COL13A1: variants seen among roughly 807,000 people sequenced by gnomAD.
COL13A1 encodes the protein collagen type XIII alpha 1 chain.
A neutral mutation model predicts 130.9 loss-of-function variants in COL13A1; 89 were observed. The observed-to-expected ratio is 0.68, with a 90% CI of 0.57 to 0.81. The LOEUF is 0.81. COL13A1 is among the 30% of genes least tolerant of loss of function. The probability of loss-of-function intolerance (pLI) is 0.00; values close to 1 mark genes in which losing one functional copy is unlikely to be tolerated. For missense variants in COL13A1, 879 were observed against 934.6 expected (o/e 0.94, Z 0.78); for synonymous variants, 402 against 341.6 (o/e 1.18, Z -1.95).
At chr10:69,953,373 C>T (rs1342304166) in intron 39 of COL13A1, among the ~76,000 whole-genome samples, 3 of 152,226 alleles carry the variant, frequency 2.0e-5, no homozygotes, top group Non-Finnish European at 4.4e-5. Context: ...TTCAAGCTGT[C>T]TGAATCCTCA....
rs141198791 is a variant in COL13A1 at position 69,872,510 on chromosome 10, C to T, written c.399+300C>T. Among the ~76,000 whole-genome samples the T allele has an allele frequency of 1.9e-3, 283 of 152,326 alleles. 9 individuals carry two copies. Among genetic ancestry groups the T allele is most frequent in the Admixed American group, 0.016 (242 of 15,306 alleles). On this transcript the variant is annotated intron_variant, in intron 4 of 40. Coordinates refer to ENST00000645393, the MANE Select transcript of COL13A1 (RefSeq NM_001368882.1). ...TGCAGCTGACTTCCAGACTGATGAC[C>T]CTACCATGAGCAGCTGCAGGGATGG...
At chr10:69,893,884 C>T (rs1191171085) in intron 10 of COL13A1, among the ~76,000 whole-genome samples, 1 of 152,218 alleles carries the variant, frequency 6.6e-6, no homozygotes, top group Non-Finnish European at 1.5e-5. Flanking sequence ...CTCTTCCCTC[C>T]ACCAGCCTTG....
Position 69,897,639 on chromosome 10 carries a change from C to T in COL13A1, c.685-1058C>T, listed in dbSNP as rs1011972540. On this transcript the variant is annotated intron_variant, in intron 13 of 40. Coordinates refer to ENST00000645393, the MANE Select transcript of COL13A1 (RefSeq NM_001368882.1). ...GCCCCGGCAGTGGGAGCGGGTGGAG[C>T]TCTGTGTGCCACTGCTGTCCAAGAA... 6 of 1,232,722 alleles carry T rather than the reference C, an allele frequency of 4.9e-6. No homozygotes were observed. In the African/African-American group the frequency reaches 8.9e-5, roughly 18 times the overall value. 76.4% of individuals were successfully genotyped at this position (1,232,722 alleles called of 1,614,324 possible). A position where few individuals can be genotyped will look rare whatever the true frequency, so the allele number is the denominator to read the frequency against.
intron 1 of COL13A1, among the ~76,000 whole-genome samples, chr10:69,804,650 C>CTTTT (rs57012318): frequency 7.0e-6 from 1 of 142,342 alleles, no homozygotes; most frequent in Admixed American, 7.0e-5. Flanking sequence ...ATCCTGCCAC[C>CTTTT]TTTTTTTTTT....
At chr10:69,898,892 G>T in intron 14 of COL13A1, 130 bp downstream of exon 14, 1 of 636,274 alleles carries the variant, frequency 1.6e-6, no homozygotes, top group Non-Finnish European at 2.7e-6. Flanking sequence ...ATAGGCCCAC[G>T]TATACCATAG....
At chr10:69,894,510 C>T (rs966451412) in intron 10 of COL13A1, 42 bp from the exon 11 acceptor site, 16 of 1,612,248 alleles carry the variant, frequency 9.9e-6, no homozygotes, top group Non-Finnish European at 1.3e-5. Flanking sequence ...GATTGCCTGT[C>T]TTCTGTCTGC....
rs1565100675 is a variant in COL13A1 at position 69,930,561 on chromosome 10, C to T, written c.1683+9C>T. On this transcript the variant is annotated intron_variant, in intron 30 of 40. Coordinates refer to ENST00000645393, the MANE Select transcript of COL13A1 (RefSeq NM_001368882.1). ...GACAAGCAGGCTCACCGGTGAGTGG[C>T]AGGGCTGGCTGCCCTTCCGTGCATA... 1 of 1,611,398 alleles carries T rather than the reference C, an allele frequency of 6.2e-7. No individual in the cohort carries two copies. The highest frequency in any genetic ancestry group is 2.2e-5 in the East Asian group (1 of 44,848).
intron 4 of COL13A1, among the ~76,000 whole-genome samples, chr10:69,873,802 A>C: frequency 6.6e-6 from 1 of 152,204 alleles, no homozygotes; most frequent in East Asian, 1.9e-4. Context: ...AGTAACACTC[A>C]AAAAGACTGT....
Position 69,894,716 on chromosome 10 carries a change from G to T in COL13A1, c.657+15G>T, listed in dbSNP as rs1269516233. 3.1e-6 allele frequency: 5 copies of T among 1,613,876 alleles called. No individual in the cohort carries two copies. Among genetic ancestry groups the T allele is most frequent in the African/African-American group, 2.7e-5 (2 of 75,056 alleles). Reference sequence around the variant, plus strand: ...AAGGAGAAAAGGTAAGAGCAGTGGAGGTTTCCTAGAGTCTCCATCTCAGGA... The same window carrying T: ...AAGGAGAAAAGGTAAGAGCAGTGGATGTTTCCTAGAGTCTCCATCTCAGGA... On this transcript the variant is annotated intron_variant, in intron 12 of 40. Transcript: ENST00000645393.
intron 10 of COL13A1, among the ~76,000 whole-genome samples, chr10:69,891,226 T>A (rs1372999294): frequency 6.6e-6 from 1 of 152,176 alleles, no homozygotes; most frequent in Non-Finnish European, 1.5e-5. Context: ...AAAAAGATAA[T>A]CCTTAGTGCC....
At chr10:69,896,149 A>G (rs991318165) in intron 13 of COL13A1, among the ~76,000 whole-genome samples, 1 of 152,124 alleles carries the variant, frequency 6.6e-6, no homozygotes. Flanking sequence ...TGGCCTCTTT[A>G]AAAGCAGAGG....
chr10:69,816,354 C>G (rs2132430478), intron 1 of COL13A1, among the ~76,000 whole-genome samples: 1 of 150,686 alleles, frequency 6.6e-6, no homozygotes, highest in East Asian at 2.0e-4. Context: ...AGGGGCAGGT[C>G]CAAGGAGGAG....
chr10:69,821,151 T>C (rs1282225111), intron 1 of COL13A1, among the ~76,000 whole-genome samples: 1 of 152,258 alleles, frequency 6.6e-6, no homozygotes, highest in Non-Finnish European at 1.5e-5. Context: ...AGGCTTCATG[T>C]GGCCAGGTCT....
intron 7 of COL13A1, among the ~76,000 whole-genome samples, chr10:69,886,078 T>G (rs1589293332): frequency 6.6e-6 from 1 of 152,308 alleles, no homozygotes; most frequent in Middle Eastern, 3.4e-3. Context: ...TCATAGCATG[T>G]GAATCCAGAG....
chr10:69,898,435 G>T (rs2061870191), intron 13 of COL13A1, among the ~76,000 whole-genome samples: 1 of 152,226 alleles, frequency 6.6e-6, no homozygotes, highest in South Asian at 2.1e-4. Flanking sequence ...GCCGAGGCCG[G>T]GTGTGGACTG....
chr10:69,847,499 T>C (rs2133411040), intron 2 of COL13A1, among the ~76,000 whole-genome samples: 1 of 152,276 alleles, frequency 6.6e-6, no homozygotes, highest in African/African-American at 2.4e-5. Context: ...CATCCCCTCA[T>C]CTCTCTCCCT....
intron 37 of COL13A1, among the ~76,000 whole-genome samples, chr10:69,946,868 A>G (rs1038879244): frequency 2.6e-5 from 4 of 152,068 alleles, no homozygotes; most frequent in Admixed American, 6.5e-5. Context: ...GCTCACTGCA[A>G]CCTCAGCCTC....
At chr10:69,912,752 T>G (rs369202313) in intron 17 of COL13A1, among the ~76,000 whole-genome samples, 1 of 152,242 alleles carries the variant, frequency 6.6e-6, no homozygotes, top group South Asian at 2.1e-4. Context: ...GGCTGGGAGC[T>G]GACCGTAAAG....
intron 1 of COL13A1, among the ~76,000 whole-genome samples, chr10:69,805,592 G>A (rs1564709361): frequency 6.6e-6 from 1 of 152,202 alleles, no homozygotes; most frequent in Admixed American, 6.5e-5. Context: ...GTGCTCAGTG[G>A]ACACTGCAGC....
Sources: allele counts gnomAD v4.1 joint callset (sites outside exome capture counted in the v4.1 genomes callset), GRCh38; gene constraint gnomAD v4.1.1; transcripts MANE v1.5; gene names NCBI Gene and HGNC (gene_info 2026-07-23, HGNC 2026-07-21).